The following MLLT10 variants were observed in gnomAD, a reference collection of about 807,000 sequenced individuals.
MLLT10 encodes MLLT10 histone lysine methyltransferase DOT1L cofactor.
MLLT10 carries 30 observed loss-of-function variants against 129.1 expected under a neutral mutation model. The ratio of observed to expected loss-of-function variants is 0.23; its 90% CI spans 0.17 to 0.32. The LOEUF (loss-of-function observed/expected upper bound fraction) is 0.32. Among genes scored for constraint, MLLT10 ranks in the 10% least tolerant of loss-of-function variants. The pLI, the probability that MLLT10 is intolerant of heterozygous loss-of-function variation, is 1.00. For missense variants in MLLT10, 1,119 were observed against 1,268.3 expected, an observed-to-expected ratio of 0.88 and a Z score of 1.79; for synonymous variants, 490 against 446.4, an observed-to-expected ratio of 1.10 and a Z score of -1.23.
In MLLT10 at chr10:21,571,246, C is replaced by T. The variant is rs2040169332; in HGVS notation, c.241-15048C>T. 2.0e-5 allele frequency among the ~76,000 whole-genome samples: 3 copies of T among 152,300 alleles called. 1 individual carries two copies. In the South Asian group the frequency reaches 6.2e-4, roughly 32 times the overall value. On this transcript the variant is annotated intron_variant, in intron 3 of 22. Transcript: ENST00000307729. ...TTTCTCATCTTGCCATTGGATAGCT[C>T]CTTTACATTGCAAGTGCTGATTTGT...
Position 21,614,216 on chromosome 10 carries a change from T to G in MLLT10, c.510-615T>G, listed in dbSNP as rs1338046356. Among the ~76,000 whole-genome samples, 3 of 116,378 alleles carry G rather than the reference T, an allele frequency of 2.6e-5. No individual in the cohort carries two copies. The Admixed American group carries it at 3.0e-4, about 12-fold the overall frequency. 76.3% of individuals were successfully genotyped at this position (116,378 alleles called of 152,430 possible). Reference sequence around the variant, plus strand: ...CTGGGTGACAGAACGAAACCCTGTTTTTTTTTTTCAAAAAAAAAAAAAAAA... The same window carrying G: ...CTGGGTGACAGAACGAAACCCTGTTGTTTTTTTTCAAAAAAAAAAAAAAAA... On this transcript the variant is annotated intron_variant, in intron 6 of 22. Transcript: ENST00000307729.
chr10:21,727,925 C>T lies in MLLT10; in HGVS notation c.2060C>T (p.Pro687Leu). ...RGSSPRGSLSPRSPVSSLQIR... is the reference protein window; with the variant it reads ...RGSSPRGSLSLRSPVSSLQIR... Reference sequence around the variant, plus strand: ...AGCTCACCCCGAGGAAGTCTCTCGCCACGGTAAGCGCTATTTACACTGCAA... The same window carrying T: ...AGCTCACCCCGAGGAAGTCTCTCGCTACGGTAAGCGCTATTTACACTGCAA... The change falls in exon 16 of 23, where the codon CCA becomes CTA. Residue 687 changes from proline to leucine, a missense_variant. Around this residue, in one of 5 missense-constraint regions of MLLT10, gnomAD observed 1,004 missense variants for 1,008.7 expected, o/e 1.00. Coordinates refer to ENST00000307729, the MANE Select transcript of MLLT10 (RefSeq NM_001195626.3). 1.2e-6 allele frequency: 2 copies of T among 1,613,770 alleles called. No individual in the cohort carries two copies. Among genetic ancestry groups the T allele is most frequent in the Non-Finnish European group, 1.7e-6 (2 of 1,179,842 alleles).
At chr10:21,675,014 G>A (rs1204676906) in intron 11 of MLLT10, among the ~76,000 whole-genome samples, 2 of 152,134 alleles carry the variant, frequency 1.3e-5, no homozygotes, top group Admixed American at 1.3e-4. Flanking sequence ...CCAAGAGAGA[G>A]AATATCATAT....
At chr10:21,559,833 GT>G (rs2038575150) in intron 3 of MLLT10, among the ~76,000 whole-genome samples, 1 of 152,058 alleles carries the variant, frequency 6.6e-6, no homozygotes, top group Non-Finnish European at 1.5e-5. Flanking sequence ...TATATACCGT[GT>G]TTTGTTTATC....
intron 8 of MLLT10, among the ~76,000 whole-genome samples, chr10:21,624,226 C>G (rs1230992804): frequency 2.0e-5 from 3 of 152,168 alleles, no homozygotes; most frequent in African/African-American, 7.2e-5. Flanking sequence ...ACAGCATACT[C>G]CATACTCCTA....
At chr10:21,598,649 C>T (rs1363590154) in intron 5 of MLLT10, among the ~76,000 whole-genome samples, 3 of 152,096 alleles carry the variant, frequency 2.0e-5, no homozygotes, top group Admixed American at 6.6e-5. Flanking sequence ...TTTGGGAGGC[C>T]GAAGCCAGCG....
chr10:21,580,204 T>G (rs1450454234), intron 3 of MLLT10, among the ~76,000 whole-genome samples: 3 of 151,816 alleles, frequency 2.0e-5, no homozygotes, highest in African/African-American at 4.8e-5. Context: ...TTTTTATTGT[T>G]GTTGCTGAGA....
chr10:21,717,540 T>TCCC (rs1419579596), intron 14 of MLLT10, among the ~76,000 whole-genome samples: 6 of 111,686 alleles, frequency 5.4e-5, no homozygotes, highest in South Asian at 3.4e-4. Flanking sequence ...CTCCTCCTCC[T>TCCC]CCCTTCTTCT....
At chr10:21,650,542 C>T (rs1467900955) in intron 8 of MLLT10, among the ~76,000 whole-genome samples, 1 of 151,720 alleles carries the variant, frequency 6.6e-6, no homozygotes, top group African/African-American at 2.4e-5. Flanking sequence ...TGTATGTAAA[C>T]CTTTTTAGGA....
intron 17 of MLLT10, among the ~76,000 whole-genome samples, chr10:21,732,537 A>C (rs1401780695): frequency 1.3e-5 from 2 of 152,262 alleles, no homozygotes; most frequent in African/African-American, 2.4e-5. Context: ...ACTTCAATGC[A>C]AAATAGTGAC....
At chr10:21,577,597 G>A (rs1016180656) in intron 3 of MLLT10, among the ~76,000 whole-genome samples, 26 of 151,388 alleles carry the variant, frequency 1.7e-4, no homozygotes, top group Admixed American at 1.3e-3. Context: ...TCAGCCTCCC[G>A]AGTAGCTGGG....
At chr10:21,666,778 C>T (rs947894807) in intron 9 of MLLT10, among the ~76,000 whole-genome samples, 4 of 152,138 alleles carry the variant, frequency 2.6e-5, no homozygotes, top group African/African-American at 9.7e-5. Context: ...CAGTTATCTT[C>T]AGTCAACTGC....
intron 14 of MLLT10, 54 bp downstream of exon 14, chr10:21,714,004 A>G: frequency 6.7e-7 from 1 of 1,499,860 alleles, no homozygotes; most frequent in South Asian, 1.3e-5. Context: ...TCATTTTTAA[A>G]GTGAGTTTTG....
chr10:21,542,078 C>T (rs977961025), intron 3 of MLLT10, among the ~76,000 whole-genome samples: 1 of 151,974 alleles, frequency 6.6e-6, no homozygotes, highest in African/African-American at 2.4e-5. Context: ...GAGGCTGTTC[C>T]TGGGGGTGTC....
At chr10:21,659,638 G>C (rs2049969705) in intron 9 of MLLT10, among the ~76,000 whole-genome samples, 1 of 151,470 alleles carries the variant, frequency 6.6e-6, no homozygotes, top group Non-Finnish European at 1.5e-5. Flanking sequence ...ACCCTCCCGA[G>C]TAGCTGGAAT....
intron 13 of MLLT10, chr10:21,708,654 G>A (rs935536397): frequency 1.5e-5 from 15 of 984,800 alleles, no homozygotes; most frequent in South Asian, 1.4e-4. Context: ...GCGTAATTTC[G>A]TATGTAAGTA....
rs1477671618 is a variant in MLLT10 at position 21,537,893 on chromosome 10, A to G, written c.161-940A>G. Among the ~76,000 whole-genome samples, 10 of 152,196 alleles carry G rather than the reference A, an allele frequency of 6.6e-5. No homozygotes were observed. The East Asian group carries it at 1.9e-3, about 29-fold the overall frequency. The stretch of plus-strand genomic sequence containing the variant: ...GAGTTTTAGAAAATTTTCAGTTTTG[A>G]GCTAATTATTAACTTTAAAAACCAA... On this transcript the variant is annotated intron_variant, in intron 2 of 22. Transcript: ENST00000307729.
At chr10:21,537,699 C>T (rs1380518665) in intron 2 of MLLT10, among the ~76,000 whole-genome samples, 1 of 151,880 alleles carries the variant, frequency 6.6e-6, no homozygotes, top group Non-Finnish European at 1.5e-5. Flanking sequence ...GAACTCCTGA[C>T]CTCAGGTGAT....
chr10:21,679,210 T>A (rs1044249427), intron 11 of MLLT10, among the ~76,000 whole-genome samples: 1 of 152,194 alleles, frequency 6.6e-6, no homozygotes, highest in African/African-American at 2.4e-5. Flanking sequence ...CTAAAAGTGA[T>A]TTCTAAGAGT....
Sources: gnomAD v4.1 joint callset for allele counts (sites outside exome capture counted in the v4.1 genomes callset) on GRCh38, gnomAD v4.1.1 for gene constraint, gnomAD v4.1.1 regional missense constraint, MANE v1.5 for transcripts, NCBI Gene and HGNC (gene_info 2026-07-23, HGNC 2026-07-21) for gene names.